ANKRD30BL: variants seen among roughly 807,000 people sequenced by gnomAD.
ANKRD30BL encodes the protein putative ankyrin repeat domain-containing protein 30B-like.
In ANKRD30BL, 20 loss-of-function variants were observed where a neutral mutation model predicts 18.4. The ratio of observed to expected loss-of-function variants is 1.09; its 90% CI spans 0.77 to 1.58. ANKRD30BL has a LOEUF of 1.58. Among genes scored for constraint, ANKRD30BL ranks in the 40% most tolerant of loss-of-function variants. ANKRD30BL has a pLI of 0.00. For missense variants in ANKRD30BL, 224 were observed against 268.6 expected (o/e 0.83, Z 1.16); for synonymous variants, 72 against 100.9 (o/e 0.71, Z 1.72).
At chr2:132,239,477 A>T (rs1680251213) in intron 1 of ANKRD30BL, among the ~76,000 whole-genome samples, 1 of 151,846 alleles carries the variant, frequency 6.6e-6, no homozygotes, top group Non-Finnish European at 1.5e-5. Context: ...TTCCCATGAA[A>T]AGTACACAGA....
intron 1 of ANKRD30BL, among the ~76,000 whole-genome samples, chr2:132,191,829 C>A (rs199793365): frequency 6.7e-6 from 1 of 149,828 alleles, no homozygotes; most frequent in African/African-American, 2.5e-5. Flanking sequence ...GCAAGCTCTG[C>A]CTCCTGGGTT....
chr2:132,172,834 A>G (rs1041720456), intron 1 of ANKRD30BL, among the ~76,000 whole-genome samples: 2 of 152,020 alleles, frequency 1.3e-5, no homozygotes, highest in African/African-American at 4.8e-5. Flanking sequence ...CAGCCTCCCA[A>G]GTAGCTGGGA....
chr2:132,182,500 A>G (rs1192412182), intron 1 of ANKRD30BL, among the ~76,000 whole-genome samples: 3 of 152,028 alleles, frequency 2.0e-5, no homozygotes, highest in Non-Finnish European at 4.4e-5. Context: ...AAAAAAAGAA[A>G]ATTTGTGAAT....
intron 1 of ANKRD30BL, among the ~76,000 whole-genome samples, chr2:132,226,761 G>T (rs1361881054): frequency 6.6e-6 from 1 of 152,080 alleles, no homozygotes; most frequent in Non-Finnish European, 1.5e-5. Flanking sequence ...ATCTCACAGA[G>T]TTGAACCTTT....
Position 132,255,338 on chromosome 2 carries a change from T to C in ANKRD30BL, n.441+2191A>G, listed in dbSNP as rs1378328381. Among the ~76,000 whole-genome samples, 2 of 152,176 alleles carry C rather than the reference T, an allele frequency of 1.3e-5. 1 individual carries two copies. Among genetic ancestry groups the C allele is most frequent in the East Asian group, 3.9e-4 (2 of 5,164 alleles). On this transcript the variant is annotated intron_variant and non_coding_transcript_variant, in intron 1 of 4. Transcript: ENST00000470729. ...CCAACAAAATAGAACTGTGGTCCTA[T>C]TCCATTATTCCAAGCTGCAGTATCC...
chr2:132,244,903 G>C (rs376871121), intron 1 of ANKRD30BL, among the ~76,000 whole-genome samples: 46 of 422 alleles, frequency 0.11, no homozygotes, highest in South Asian at 0.2. Flanking sequence ...GGAGCGCTTT[G>C]AGGCCTATGG....
intron 1 of ANKRD30BL, among the ~76,000 whole-genome samples, chr2:132,226,864 C>T (rs1269767096): frequency 3.3e-5 from 5 of 152,076 alleles, no homozygotes; most frequent in Admixed American, 6.6e-5. Flanking sequence ...AAGGAAATAT[C>T]TTCACATAAA....
chr2:132,176,833 T>G (rs1332469872), intron 1 of ANKRD30BL, among the ~76,000 whole-genome samples: 1 of 152,174 alleles, frequency 6.6e-6, no homozygotes, highest in Non-Finnish European at 1.5e-5. Flanking sequence ...GCTTAGGATT[T>G]AGGCTGAACT....
intron 1 of ANKRD30BL, among the ~76,000 whole-genome samples, chr2:132,249,019 AAG>A (rs1680578324): frequency 6.6e-6 from 1 of 151,772 alleles, no homozygotes; most frequent in East Asian, 1.9e-4. Context: ...TGCACAAGAA[AAG>A]AGTTTCCCAT....
intron 1 of ANKRD30BL, among the ~76,000 whole-genome samples, chr2:132,233,879 A>G (rs1194468099): frequency 4.6e-5 from 7 of 152,086 alleles, no homozygotes; most frequent in African/African-American, 1.7e-4. Flanking sequence ...TCAACAGAAT[A>G]TACATTTTTT....
chr2:132,202,674 C>T (rs1679131298), intron 1 of ANKRD30BL, among the ~76,000 whole-genome samples: 1 of 152,034 alleles, frequency 6.6e-6, no homozygotes, highest in African/African-American at 2.4e-5. Flanking sequence ...GTATTACCTC[C>T]ATATGTATGT....
chr2:132,221,959 G>T, intron 1 of ANKRD30BL, among the ~76,000 whole-genome samples: 1 of 135,278 alleles, frequency 7.4e-6, no homozygotes, highest in Non-Finnish European at 1.6e-5. Context: ...CCGTCCGGGA[G>T]GTGAGGGGCG....
chr2:132,186,300 CTT>C (rs1352569214), intron 1 of ANKRD30BL, among the ~76,000 whole-genome samples: 4 of 151,734 alleles, frequency 2.6e-5, no homozygotes, highest in Non-Finnish European at 5.9e-5. Context: ...TTTCTTGAAA[CTT>C]ATGGTTTGTT....
chr2:132,210,861 T>C (rs112833639), intron 1 of ANKRD30BL, among the ~76,000 whole-genome samples: 392 of 95,008 alleles, frequency 4.1e-3, no homozygotes, highest in African/African-American at 8.0e-3. Flanking sequence ...CTTTGGGGCC[T>C]ATGGTGGAAA....
chr2:132,162,612 C>T (rs1288899228), upstream of ANKRD30BL, among the ~76,000 whole-genome samples: 1 of 152,196 alleles, frequency 6.6e-6, no homozygotes, highest in Admixed American at 6.5e-5. Context: ...CTGCTGGTGG[C>T]GCGGACAGGT....
At chr2:132,176,256 A>T (rs1376216539) in intron 1 of ANKRD30BL, among the ~76,000 whole-genome samples, 1 of 151,754 alleles carries the variant, frequency 6.6e-6, no homozygotes, top group Non-Finnish European at 1.5e-5. Flanking sequence ...CAGGCTGGGC[A>T]CGGTGGTTCA....
At chr2:132,237,310 A>C (rs1680176526) in intron 1 of ANKRD30BL, among the ~76,000 whole-genome samples, 1 of 152,056 alleles carries the variant, frequency 6.6e-6, no homozygotes, top group Non-Finnish European at 1.5e-5. Context: ...GCATTCTCAC[A>C]AACTACTTTG....
At chr2:132,155,619 G>C (rs1159850718) in intron 3 of ANKRD30BL, 1 of 152,186 alleles carries the variant, frequency 6.6e-6, no homozygotes, top group Non-Finnish European at 1.5e-5. Flanking sequence ...AGTATACAAG[G>C]CCAGGCAAGG....
chr2:132,168,862 TATCA>T (rs574404893), intron 1 of ANKRD30BL, among the ~76,000 whole-genome samples: 327 of 144,680 alleles, frequency 2.3e-3, no homozygotes, highest in Admixed American at 3.5e-3. Flanking sequence ...AATTTTTATT[TATCA>T]ATCATACTTC....
Sources: gnomAD v4.1 joint callset for allele counts (sites outside exome capture counted in the v4.1 genomes callset) on GRCh38, gnomAD v4.1.1 for gene constraint, MANE v1.5 for transcripts, NCBI Gene and HGNC (gene_info 2026-07-23, HGNC 2026-07-21) for gene names.